The following ZNF69 variants were observed in gnomAD, a reference collection of about 807,000 sequenced individuals.
ZNF69 encodes the protein ZNF3.
Under a neutral mutation model 50.9 loss-of-function variants are expected in ZNF69, and 47 were observed. The observed-to-expected ratio is 0.92, with a 90% CI of 0.73 to 1.18. The LOEUF is 1.18. ZNF69 is among the 50% of genes most tolerant of loss of function. ZNF69 has a pLI of 0.00. For missense variants in ZNF69, 717 were observed against 675.1 expected (o/e 1.06, Z -0.69); for synonymous variants, 216 against 223.1 (o/e 0.97, Z 0.29).
chr19:11,974,886 A>G, the ZNF69 span, among the ~76,000 whole-genome samples: 1 of 152,190 alleles, frequency 6.6e-6, no homozygotes, highest in Non-Finnish European at 1.5e-5. Context: ...TACAGGCATG[A>G]GCCACCACAC....
At chr19:11,949,674 C>T in the ZNF69 span, 2 of 1,611,714 alleles carry the variant, frequency 1.2e-6, no homozygotes, top group East Asian at 4.5e-5. Context: ...GTTGCAATTC[C>T]CTTCGATATC....
the ZNF69 span, chr19:11,977,176 A>G: frequency 3.7e-6 from 6 of 1,613,802 alleles, no homozygotes; most frequent in Non-Finnish European, 5.1e-6. Context: ...TAAGGATGAC[A>G]ATATTCCTTC....
At chr19:11,911,325 A>G (rs1972454193), downstream of ZNF69, among the ~76,000 whole-genome samples, 1 of 152,234 alleles carries the variant, frequency 6.6e-6, no homozygotes, top group Non-Finnish European at 1.5e-5. Context: ...ATTACTGGGT[A>G]TATACCCAAA....
At chr19:11,903,102 A>G (rs958141933) in intron 1 of ZNF69, among the ~76,000 whole-genome samples, 1 of 152,010 alleles carries the variant, frequency 6.6e-6, no homozygotes. Flanking sequence ...GTGCCACTAC[A>G]CTCCAGCCTG....
At chr19:11,895,424 A>G (rs567189825) in intron 1 of ZNF69, among the ~76,000 whole-genome samples, 19 of 152,254 alleles carry the variant, frequency 1.2e-4, no homozygotes, top group African/African-American at 4.6e-4. Flanking sequence ...GAACAAGGAG[A>G]CGTCGCTCAG....
At chr19:11,949,164 T>TG in the ZNF69 span, 1 of 1,612,416 alleles carries the variant, frequency 6.2e-7, no homozygotes, top group East Asian at 2.2e-5. Context: ...TTCAAACACA[T>TG]GAAAAAACTC....
chr19:11,908,310 C>T (rs147430113), downstream of ZNF69, among the ~76,000 whole-genome samples: 91 of 152,338 alleles, frequency 6.0e-4, 1 homozygote, highest in Non-Finnish European at 1.1e-3. Context: ...CTCAGCTCTG[C>T]ACCAAGAGGA....
At chr19:11,979,188 C>T in the ZNF69 span, 1 of 1,612,192 alleles carries the variant, frequency 6.2e-7, no homozygotes, top group Admixed American at 1.7e-5. Flanking sequence ...GAGAGAAACC[C>T]TATAAATGCA....
At chr19:11,903,257 C>G (rs1263259101) in intron 1 of ZNF69, among the ~76,000 whole-genome samples, 2 of 152,122 alleles carry the variant, frequency 1.3e-5, no homozygotes, top group Non-Finnish European at 2.9e-5. Context: ...AACCCCGTCT[C>G]CACTAAAAAT....
At chr19:11,940,135 T>A in the ZNF69 span, 1 of 152,184 alleles carries the variant, frequency 6.6e-6, no homozygotes, top group Non-Finnish European at 1.5e-5. Flanking sequence ...TTCTCCATGT[T>A]GGTCAGACTG....
chr19:11,974,069 T>TTTTCTTTCTTTCTTTC, the ZNF69 span, among the ~76,000 whole-genome samples: 19 of 114,852 alleles, frequency 1.7e-4, no homozygotes, highest in East Asian at 5.2e-4. Context: ...TCCTTCTTTC[T>TTTTCTTTCTTTCTTTC]TTTCTTTCTT....
rs139680075 is a variant in ZNF69, at chr19:11,902,907, C to A, written c.64-666C>A. ...GACAGCCCAGGCAACTCACTTTTCT[C>A]CCTGGGTTCGGTAAATACATTTCCT... On this transcript the variant is annotated intron_variant, in intron 1 of 3. Coordinates refer to ENST00000429654, the MANE Select transcript of ZNF69 (RefSeq NM_001364730.1). Among the ~76,000 whole-genome samples the A allele has an allele frequency of 7.9e-5, 12 of 152,268 alleles. No homozygotes were observed. The East Asian group carries it at 2.1e-3, about 27-fold the overall frequency.
At chr19:11,929,441 G>A in the ZNF69 span, among the ~76,000 whole-genome samples, 1 of 148,514 alleles carries the variant, frequency 6.7e-6, no homozygotes, top group Non-Finnish European at 1.5e-5. Context: ...GGGATTACGG[G>A]TGTGAACCAC....
the ZNF69 span, among the ~76,000 whole-genome samples, chr19:11,962,810 T>A: frequency 6.6e-6 from 1 of 152,218 alleles, no homozygotes; most frequent in African/African-American, 2.4e-5. Context: ...ACAAGCTGAC[T>A]TAATGATTAA....
At chr19:11,976,632 C>T in the ZNF69 span, among the ~76,000 whole-genome samples, 24 of 150,784 alleles carry the variant, frequency 1.6e-4, no homozygotes, top group East Asian at 5.8e-4. Flanking sequence ...TTTGGGAGGC[C>T]GAGGCTGGCG....
In ZNF69 at chr19:11,903,696, G is replaced by A. The variant is rs781480449; in HGVS notation, c.187G>A (p.Val63Ile). The change falls in exon 2 of 4, where the codon GTA becomes ATA. Residue 63 changes from valine to isoleucine, a missense_variant. Val to Ile is a conservative substitution (Grantham distance 29). Coordinates refer to ENST00000429654, the MANE Select transcript of ZNF69 (RefSeq NM_001364730.1). Reference sequence around the variant, plus strand: ...GGAAACTTTCAGGAACCTGACCTCTGTAGGTAAGGATGACATATTCCTTCC... The same window carrying A: ...GGAAACTTTCAGGAACCTGACCTCTATAGGTAAGGATGACATATTCCTTCC... ...MLETFRNLTSVGKSWKDQNIE... is the reference protein window; with the variant it reads ...MLETFRNLTSIGKSWKDQNIE... 2.5e-6 allele frequency: 4 copies of A among 1,613,972 alleles called. No individual in the cohort carries two copies. The highest frequency in any genetic ancestry group is 1.6e-4 in the Middle Eastern group (1 of 6,062).
At chr19:11,913,404 TC>T in intron 4 of ZNF69, 2 of 602,548 alleles carry the variant, frequency 3.3e-6, no homozygotes, top group South Asian at 2.0e-5. Context: ...TTTTTTTTTT[TC>T]CAGAAAAAAA....
At chr19:11,941,013 C>G in the ZNF69 span, among the ~76,000 whole-genome samples, 9,756 of 149,984 alleles carry the variant, frequency 0.065, 487 homozygotes, top group African/African-American at 0.14. Flanking sequence ...TTTACAATCC[C>G]TGAGCTAGAC....
chr19:11,947,014 C>T, the ZNF69 span: 4 of 1,190,400 alleles, frequency 3.4e-6, no homozygotes, highest in Non-Finnish European at 4.5e-6. Flanking sequence ...AAATAAATTG[C>T]TTTATGGAAG....
Sources: gnomAD v4.1 joint callset for allele counts (sites outside exome capture counted in the v4.1 genomes callset) on GRCh38, gnomAD v4.1.1 for gene constraint, MANE v1.5 for transcripts, NCBI Gene and HGNC (gene_info 2026-07-23, HGNC 2026-07-21) for gene names.